Variants in CDC42BPB observed in about 807,000 individuals in gnomAD.
CDC42BPB encodes CDC42 binding protein kinase beta.
CDC42BPB carries 37 observed loss-of-function variants against 214.9 expected under a neutral mutation model. The ratio of observed to expected loss-of-function variants is 0.17; its 90% CI spans 0.13 to 0.23. CDC42BPB has a LOEUF of 0.23. Among genes scored for constraint, CDC42BPB ranks in the 10% least tolerant of loss-of-function variants. The pLI is 1.00. For synonymous variants in CDC42BPB, 931 were observed against 884.0 expected (o/e 1.05, Z -0.94); for missense variants, 1,694 against 2,227.0 (o/e 0.76, Z 4.82).
At chr14:103,031,919 C>G (rs1353203546) in intron 1 of CDC42BPB, among the ~76,000 whole-genome samples, 1 of 152,098 alleles carries the variant, frequency 6.6e-6, no homozygotes, top group East Asian at 1.9e-4. Context: ...TGAGTCCTCA[C>G]TAATTGTCAA....
chr14:103,035,339 G>T (rs536661557), intron 1 of CDC42BPB, among the ~76,000 whole-genome samples: 1 of 152,206 alleles, frequency 6.6e-6, no homozygotes, highest in South Asian at 2.1e-4. Flanking sequence ...TTACAGGTGT[G>T]AGCCACCGCG....
intron 36 of CDC42BPB, 112 bp from the exon 37 acceptor site, chr14:102,933,955 T>TCC: frequency 7.0e-7 from 1 of 1,426,536 alleles, no homozygotes; most frequent in Non-Finnish European, 9.1e-7. Flanking sequence ...ACTGCTCTTC[T>TCC]CCCTTCATGT....
At chr14:102,973,405 G>A (rs1893574703) in intron 12 of CDC42BPB, among the ~76,000 whole-genome samples, 1 of 152,206 alleles carries the variant, frequency 6.6e-6, no homozygotes, top group South Asian at 2.1e-4. Context: ...GTAACATGCT[G>A]ACACCTGAGC....
chr14:103,023,594 A>T (rs540975491), intron 1 of CDC42BPB, among the ~76,000 whole-genome samples: 2 of 152,344 alleles, frequency 1.3e-5, no homozygotes, highest in South Asian at 4.1e-4. Flanking sequence ...GGCATGAACC[A>T]CTATACCTGA....
chr14:103,013,022 A>G (rs1886243589), intron 1 of CDC42BPB, among the ~76,000 whole-genome samples: 1 of 152,228 alleles, frequency 6.6e-6, no homozygotes. Context: ...ATTTCTCAGG[A>G]GGTATCCCCA....
At chr14:103,014,587 A>C (rs1048917329) in intron 1 of CDC42BPB, among the ~76,000 whole-genome samples, 2 of 152,036 alleles carry the variant, frequency 1.3e-5, no homozygotes, top group African/African-American at 4.8e-5. Flanking sequence ...CATATTATTA[A>C]TCTGACTAAT....
Position 102,940,134 on chromosome 14 carries a change from G to A in CDC42BPB, c.4507-4C>T. On this transcript the variant is annotated splice_polypyrimidine_tract_variant and splice_region_variant and intron_variant, in intron 31 of 36. Transcript: ENST00000361246. ...CTTCAGAGTTCAGGGGCCTTATCTG[G>A]ATTGGAAACCAGGGAGGGACAGTAA... The A allele has an allele frequency of 6.2e-7, 1 of 1,614,036 alleles. No homozygotes were observed. Among genetic ancestry groups the A allele is most frequent in the Non-Finnish European group, 8.5e-7 (1 of 1,180,032 alleles).
chr14:103,008,629 G>A, intron 2 of CDC42BPB, 74 bp from the exon 3 acceptor site: 2 of 1,581,794 alleles, frequency 1.3e-6, no homozygotes, highest in Non-Finnish European at 8.6e-7. Context: ...CTAAACTGTA[G>A]TGAAATCCTA....
At chr14:103,054,420 C>G (rs1327462387) in intron 1 of CDC42BPB, among the ~76,000 whole-genome samples, 2 of 152,218 alleles carry the variant, frequency 1.3e-5, no homozygotes, top group East Asian at 3.8e-4. Flanking sequence ...GAACAGTCCA[C>G]TGATGGACAG....
At chr14:103,009,101 A>G (rs1886007245) in intron 2 of CDC42BPB, among the ~76,000 whole-genome samples, 1 of 152,170 alleles carries the variant, frequency 6.6e-6, no homozygotes, top group South Asian at 2.1e-4. Flanking sequence ...CACGGGCCCA[A>G]GTCTCCAACT....
intron 2 of CDC42BPB, 120 bp from the exon 3 acceptor site, chr14:103,008,675 A>C (rs1885982102): frequency 1.2e-5 from 17 of 1,473,172 alleles, no homozygotes; most frequent in Non-Finnish European, 1.4e-5. Flanking sequence ...CAGTGACCGA[A>C]AGCCAAGTTT....
intron 1 of CDC42BPB, among the ~76,000 whole-genome samples, chr14:103,022,267 G>T (rs921840628): frequency 1.3e-5 from 2 of 152,186 alleles, no homozygotes; most frequent in Non-Finnish European, 2.9e-5. Context: ...CTTGACAAAA[G>T]CAGCAGTTTT....
chr14:102,950,753 G>A lies in CDC42BPB; in HGVS notation c.3173-151C>T, dbSNP rs977768427. ...GGCCGAGGTGGGCAGACCACTTGAG[G>A]TCAGCAGTTTGAGACCAGCCTGGCC... On this transcript the variant is annotated intron_variant, in intron 24 of 36. Coordinates refer to ENST00000361246, the MANE Select transcript of CDC42BPB (RefSeq NM_006035.4). The A allele has an allele frequency of 6.2e-6, 8 of 1,285,088 alleles. No homozygotes were observed. In the South Asian group the frequency reaches 1.4e-4, roughly 22 times the overall value. 79.6% of individuals were successfully genotyped at this position (1,285,088 alleles called of 1,614,324 possible).
In CDC42BPB at chr14:102,995,768, G is replaced by A. The variant is rs35130922; in HGVS notation, c.596+3797C>T. 1.8e-3 allele frequency among the ~76,000 whole-genome samples: 275 copies of A among 152,328 alleles called. 5 individuals are homozygous for A. In the East Asian group the frequency reaches 0.046, roughly 25 times the overall value. ...CACGGGCTCCAAACCATGCTGTAAC[G>A]TCAGCCACGCCGTAAAGTTGGCCAC... is the stretch of plus-strand genomic sequence containing the variant. On this transcript the variant is annotated intron_variant, in intron 5 of 36. Coordinates refer to ENST00000361246, the MANE Select transcript of CDC42BPB (RefSeq NM_006035.4).
chr14:102,960,136 C>T (rs7146987), intron 20 of CDC42BPB, among the ~76,000 whole-genome samples: 20,260 of 151,814 alleles, frequency 0.13, 2,749 homozygotes, highest in African/African-American at 0.35. Flanking sequence ...GCCCAGGAGG[C>T]AGAGGTTGTG....
intron 36 of CDC42BPB, chr14:102,936,938 C>A (rs1375770256): frequency 6.6e-6 from 1 of 152,166 alleles, no homozygotes; most frequent in Non-Finnish European, 1.5e-5. Flanking sequence ...TTTGGGAGGC[C>A]AAGGTAGGAG....
At chr14:102,945,261 T>C (rs1272644470) in intron 29 of CDC42BPB, 4 of 459,742 alleles carry the variant, frequency 8.7e-6, no homozygotes, top group Non-Finnish European at 1.7e-5. Context: ...ACGTTTCTGC[T>C]CCTAGACCCA....
In CDC42BPB at chr14:102,934,270, T is replaced by C. The variant is rs34429106; in HGVS notation, c.5005-427A>G. ...AAAAATCAGGCCGGGCGTGGTGGCT[T>C]ACGCCTGTAATCCCAGCACTTTGGG... On this transcript the variant is annotated intron_variant, in intron 36 of 36. Coordinates refer to ENST00000361246, the MANE Select transcript of CDC42BPB (RefSeq NM_006035.4). The C allele has an allele frequency of 6.7e-3, 1,065 of 160,114 alleles. 15 individuals carry two copies. Among genetic ancestry groups the C allele is most frequent in the East Asian group, 0.024 (128 of 5,230 alleles). 9.9% of individuals were successfully genotyped at this position (160,114 alleles called of 1,614,324 possible).
intron 14 of CDC42BPB, among the ~76,000 whole-genome samples, chr14:102,969,094 C>T (rs1328835408): frequency 6.6e-6 from 1 of 152,228 alleles, no homozygotes; most frequent in Non-Finnish European, 1.5e-5. Context: ...AGTAAAGGGG[C>T]AGAGGGGCCG....
Sources: gnomAD v4.1 joint callset for allele counts (sites outside exome capture counted in the v4.1 genomes callset) on GRCh38, gnomAD v4.1.1 for gene constraint, MANE v1.5 for transcripts, NCBI Gene and HGNC (gene_info 2026-07-23, HGNC 2026-07-21) for gene names.